AFF3: variants seen among roughly 807,000 people sequenced by gnomAD.
The protein encoded by AFF3 is ALF transcription elongation factor 3, also known as AF4/FMR2 family member 3.
A neutral mutation model predicts 129.7 loss-of-function variants in AFF3; 32 were observed. The ratio of observed to expected loss-of-function variants is 0.25; its 90% CI spans 0.19 to 0.33. The LOEUF (loss-of-function observed/expected upper bound fraction) is 0.33, where lower values mean the gene tolerates loss of function less well. AFF3 is among the 10% of genes least tolerant of loss of function. AFF3 has a pLI of 1.00. For synonymous variants in AFF3, 644 were observed against 635.4 expected (o/e 1.01, Z -0.20); for missense variants, 1,373 against 1,592.0 (o/e 0.86, Z 2.34).
rs536460419 is a variant in AFF3 at position 99,807,985 on chromosome 2, G to C, written c.921+29492C>G. Among the ~76,000 whole-genome samples, 11 of 152,312 alleles carry C rather than the reference G, an allele frequency of 7.2e-5. No homozygotes were observed. The South Asian group carries it at 2.3e-3, about 32-fold the overall frequency. On this transcript the variant is annotated intron_variant, in intron 8 of 24. Transcript: ENST00000672756. ...TGTCAATCTCATCTGTTCATTGTCAGGGGCTGTGTGTTCAGCCATACCCAT... is the reference window on the plus strand; with the variant it reads ...TGTCAATCTCATCTGTTCATTGTCACGGGCTGTGTGTTCAGCCATACCCAT...
rs537023195 is a variant in AFF3 at position 99,926,082 on chromosome 2, T to C, written c.873+80550A>G. 2.7e-4 allele frequency among the ~76,000 whole-genome samples: 41 copies of C among 152,318 alleles called. No individual in the cohort carries two copies. In the East Asian group the frequency reaches 4.0e-3, roughly 15 times the overall value. On this transcript the variant is annotated intron_variant, in intron 7 of 24. Transcript: ENST00000672756. ...AGCCCCAATTCAACTATTCAAGGAA[T>C]TGAGGATACAAAAATAAATAATTTG... is the stretch of plus-strand genomic sequence containing the variant.
chr2:99,929,339 T>TAAATAAAATA (rs10687740), intron 7 of AFF3, among the ~76,000 whole-genome samples: 2 of 151,198 alleles, frequency 1.3e-5, no homozygotes, highest in African/African-American at 4.9e-5. Flanking sequence ...AAAGAATAAA[T>TAAATAAAATA]AAATAAAATA....
chr2:99,626,730 G>C (rs1186228001), intron 13 of AFF3, among the ~76,000 whole-genome samples: 1 of 152,092 alleles, frequency 6.6e-6, no homozygotes, highest in Non-Finnish European at 1.5e-5. Flanking sequence ...CCTCCTCCCA[G>C]CCTCCATCAA....
chr2:99,789,021 A>C (rs1025810843), intron 8 of AFF3, among the ~76,000 whole-genome samples: 12 of 152,216 alleles, frequency 7.9e-5, no homozygotes, highest in Non-Finnish European at 1.2e-4. Flanking sequence ...TAGTTTGTGA[A>C]GTGTGATGTT....
intron 11 of AFF3, among the ~76,000 whole-genome samples, chr2:99,698,679 G>T (rs929142114): frequency 2.0e-5 from 3 of 152,218 alleles, no homozygotes; most frequent in African/African-American, 7.2e-5. Flanking sequence ...AGGAGAAATT[G>T]CTCCACAGTG....
intron 8 of AFF3, among the ~76,000 whole-genome samples, chr2:99,836,369 A>G (rs1026119494): frequency 4.6e-5 from 7 of 152,212 alleles, no homozygotes; most frequent in Non-Finnish European, 1.0e-4. Flanking sequence ...CAGAATAGAG[A>G]CAATATAGAT....
chr2:99,598,182 A>G (rs1209983400), intron 14 of AFF3, among the ~76,000 whole-genome samples: 1 of 152,220 alleles, frequency 6.6e-6, no homozygotes. Context: ...AAGAGGTGGA[A>G]TCAACCTATT....
At chr2:100,026,828 G>T (rs1220402604) in intron 4 of AFF3, among the ~76,000 whole-genome samples, 2 of 150,848 alleles carry the variant, frequency 1.3e-5, no homozygotes, top group Non-Finnish European at 3.0e-5. Flanking sequence ...AGTAACTCAG[G>T]AATGGAAAAT....
At chr2:100,111,143 TCTGGA>T (rs1432716137) in intron 2 of AFF3, among the ~76,000 whole-genome samples, 1 of 152,210 alleles carries the variant, frequency 6.6e-6, no homozygotes, top group Non-Finnish European at 1.5e-5. Context: ...CCTACCCAGA[TCTGGA>T]CTTTTAGGAA....
intron 11 of AFF3, among the ~76,000 whole-genome samples, chr2:99,718,425 T>G (rs1678573898): frequency 6.6e-6 from 1 of 152,266 alleles, no homozygotes; most frequent in Admixed American, 6.5e-5. Context: ...TTAAATGGAA[T>G]TGCTTTTTAA....
At chr2:99,788,105 TA>T (rs1172596878) in intron 8 of AFF3, among the ~76,000 whole-genome samples, 1 of 152,218 alleles carries the variant, frequency 6.6e-6, no homozygotes, top group African/African-American at 2.4e-5. Flanking sequence ...GCCAGTCATA[TA>T]AAAGTATGGC....
At chr2:100,104,809 C>T (rs1163918632) in intron 3 of AFF3, 79 of 454,844 alleles carry the variant, frequency 1.7e-4, no homozygotes, top group African/African-American at 1.4e-3. Flanking sequence ...GCCGCCGCCG[C>T]CGCCGCCGCC....
intron 13 of AFF3, among the ~76,000 whole-genome samples, chr2:99,645,977 A>C (rs980180321): frequency 6.6e-6 from 1 of 152,142 alleles, no homozygotes; most frequent in Non-Finnish European, 1.5e-5. Context: ...CTCCTTAGGA[A>C]GGGAAAGGGA....
chr2:100,119,578 A>T (rs1691868287), intron 2 of AFF3, among the ~76,000 whole-genome samples: 2 of 152,252 alleles, frequency 1.3e-5, no homozygotes, highest in South Asian at 4.1e-4. Flanking sequence ...ATAGTTAATT[A>T]TGGCTTAATA....
At chr2:99,918,352 C>T (rs992843939) in intron 7 of AFF3, among the ~76,000 whole-genome samples, 1 of 152,054 alleles carries the variant, frequency 6.6e-6, no homozygotes, top group Non-Finnish European at 1.5e-5. Flanking sequence ...TTTGAAATAC[C>T]TTAAACTAGA....
intron 7 of AFF3, among the ~76,000 whole-genome samples, chr2:99,975,846 C>T (rs1187670356): frequency 1.9e-5 from 2 of 105,352 alleles, no homozygotes; most frequent in Non-Finnish European, 3.8e-5. Flanking sequence ...AAGGCACAGC[C>T]ATGGAAATAG....
At chr2:100,077,889 A>G (rs985951557) in intron 4 of AFF3, among the ~76,000 whole-genome samples, 2 of 152,142 alleles carry the variant, frequency 1.3e-5, no homozygotes, top group African/African-American at 4.8e-5. Flanking sequence ...AAAAAAGGAC[A>G]AAGAAGGGTT....
intron 8 of AFF3, among the ~76,000 whole-genome samples, chr2:99,764,197 A>G (rs1329639315): frequency 6.6e-6 from 1 of 152,134 alleles, no homozygotes; most frequent in East Asian, 1.9e-4. Flanking sequence ...CTGGCCTTTC[A>G]TTACTTCCTT....
chr2:99,712,844 T>C (rs1365307566), intron 11 of AFF3, among the ~76,000 whole-genome samples: 1 of 152,226 alleles, frequency 6.6e-6, no homozygotes, highest in African/African-American at 2.4e-5. Context: ...CAAGTGTCCA[T>C]TGACGGATAA....
Sources: gnomAD v4.1 joint callset for allele counts (sites outside exome capture counted in the v4.1 genomes callset) on GRCh38, gnomAD v4.1.1 for gene constraint, MANE v1.5 for transcripts, NCBI Gene and HGNC (gene_info 2026-07-23, HGNC 2026-07-21) for gene names.